Variants in PCMT1 observed in about 807,000 individuals in gnomAD.
The protein encoded by PCMT1 is protein-L-isoaspartate(D-aspartate) O-methyltransferase.
Under a neutral mutation model 29.2 loss-of-function variants are expected in PCMT1, and 9 were observed. That is an observed-to-expected ratio of 0.31 (90% CI 0.19 to 0.54). PCMT1 has a LOEUF of 0.54. PCMT1 is among the 20% of genes least tolerant of loss of function. PCMT1 has a pLI of 0.95. For synonymous variants in PCMT1, 98 were observed against 97.5 expected (o/e 1.00, Z -0.03); for missense variants, 184 against 282.2 (o/e 0.65, Z 2.49).
intron 1 of PCMT1, among the ~76,000 whole-genome samples, chr6:149,762,919 A>ATC (rs1786874881): frequency 1.7e-5 from 1 of 60,184 alleles, no homozygotes; most frequent in South Asian, 5.0e-4. Flanking sequence ...TATGATATAT[A>ATC]TATCTATGAT....
chr6:149,754,219 A>T lies in PCMT1; in HGVS notation c.55+4263A>T, dbSNP rs548163400. Among the ~76,000 whole-genome samples the T allele has an allele frequency of 3.6e-3, 554 of 152,316 alleles. 3 individuals are homozygous for T. The highest frequency in any genetic ancestry group is 6.2e-3 in the Non-Finnish European group (422 of 68,032). On this transcript the variant is annotated intron_variant, in intron 1 of 7. Transcript: ENST00000464889. The stretch of plus-strand genomic sequence containing the variant: ...CTGAAGAACCGAAATTCAATTTTTT[A>T]AAAAATTAACTTAATGAAATAACCA...
chr6:149,767,369 T>TTTTTATGGTGACTTGCACTTTC (rs1787132944), intron 1 of PCMT1, among the ~76,000 whole-genome samples: 1 of 151,994 alleles, frequency 6.6e-6, no homozygotes, highest in Non-Finnish European at 1.5e-5. Context: ...CGTTCACTCC[T>TTTTTATGGTGACTTGCACTTTC]TTTTATGGTG....
At chr6:149,775,704 CAAT>C (rs927419915) in intron 3 of PCMT1, among the ~76,000 whole-genome samples, 2 of 151,814 alleles carry the variant, frequency 1.3e-5, no homozygotes, top group Non-Finnish European at 2.9e-5. Flanking sequence ...ACCCTCATCT[CAAT>C]AATAATAATT....
intron 1 of PCMT1, among the ~76,000 whole-genome samples, chr6:149,767,259 T>TC (rs1272114590): frequency 2.7e-5 from 1 of 37,630 alleles, no homozygotes; most frequent in East Asian, 6.3e-3. Flanking sequence ...TAATTCACTC[T>TC]TTTTTTTTTT....
chr6:149,755,139 C>T (rs1010831003), intron 1 of PCMT1, among the ~76,000 whole-genome samples: 2 of 152,164 alleles, frequency 1.3e-5, no homozygotes, highest in African/African-American at 4.8e-5. Context: ...AGTGCGGTGG[C>T]TCACACCTGT....
chr6:149,774,924 G>A (rs1787497234), intron 3 of PCMT1, among the ~76,000 whole-genome samples: 1 of 151,782 alleles, frequency 6.6e-6, no homozygotes, highest in Non-Finnish European at 1.5e-5. Flanking sequence ...AGCCAGGATG[G>A]TCTCGATCTC....
chr6:149,768,869 C>T (rs1248422680), intron 1 of PCMT1, among the ~76,000 whole-genome samples: 2 of 152,216 alleles, frequency 1.3e-5, no homozygotes, highest in South Asian at 2.1e-4. Context: ...TCAAGTGATC[C>T]GCCTACCTCA....
intron 6 of PCMT1, 178 bp downstream of exon 6, chr6:149,796,678 A>G (rs1195845586): frequency 4.2e-6 from 2 of 475,198 alleles, no homozygotes; most frequent in Admixed American, 3.9e-5. Context: ...TATAAATGAC[A>G]TGAAAATTAC....
chr6:149,774,557 A>G (rs1476823050), intron 3 of PCMT1, among the ~76,000 whole-genome samples: 13 of 102,588 alleles, frequency 1.3e-4, no homozygotes, highest in Admixed American at 1.2e-4. Flanking sequence ...TTTTTTTTTG[A>G]GACGGAGTTT....
chr6:149,786,164 T>A (rs1169476275), intron 3 of PCMT1, among the ~76,000 whole-genome samples: 1 of 81,036 alleles, frequency 1.2e-5, no homozygotes, highest in Non-Finnish European at 2.0e-5. Context: ...GGCGGGGGGC[T>A]GACCCCCCAA....
intron 3 of PCMT1, among the ~76,000 whole-genome samples, chr6:149,774,892 A>T (rs1787495161): frequency 6.6e-6 from 1 of 151,682 alleles, no homozygotes; most frequent in Non-Finnish European, 1.5e-5. Flanking sequence ...ATTTTTTAGT[A>T]GAGACGGGGT....
chr6:149,753,523 G>T (rs1290133007), intron 1 of PCMT1, among the ~76,000 whole-genome samples: 1 of 151,948 alleles, frequency 6.6e-6, no homozygotes, highest in East Asian at 1.9e-4. Flanking sequence ...GTAGAGACAA[G>T]GTTTCTCCAT....
intron 2 of PCMT1, 82 bp from the exon 3 acceptor site, chr6:149,773,056 G>T: frequency 4.2e-6 from 4 of 945,878 alleles, no homozygotes; most frequent in Non-Finnish European, 5.0e-6. Context: ...GAAAAATAAC[G>T]TATGGATGGT....
At chr6:149,784,240 T>G (rs113079491) in intron 3 of PCMT1, among the ~76,000 whole-genome samples, 1 of 152,332 alleles carries the variant, frequency 6.6e-6, no homozygotes, top group Admixed American at 6.5e-5. Context: ...ATTCAAGGCC[T>G]TCTCTCCATA....
At chr6:149,795,246 A>G (rs1788552645) in intron 5 of PCMT1, 2 of 399,434 alleles carry the variant, frequency 5.0e-6, no homozygotes, top group South Asian at 2.3e-5. Context: ...GCCATGTTGC[A>G]TGAGAAAAAG....
intron 3 of PCMT1, among the ~76,000 whole-genome samples, 172 bp downstream of exon 3, chr6:149,773,341 T>G (rs1787416124): frequency 6.6e-6 from 1 of 152,080 alleles, no homozygotes; most frequent in Admixed American, 6.6e-5. Context: ...ATACAGGGTC[T>G]GTAGAAGGAG....
intron 3 of PCMT1, among the ~76,000 whole-genome samples, chr6:149,775,334 T>TA (rs1203697712): frequency 1.3e-5 from 2 of 152,264 alleles, no homozygotes; most frequent in South Asian, 2.1e-4. Context: ...CAGAAGCCAT[T>TA]AAAAAAACCT....
chr6:149,791,805 A>G (rs1448502207), intron 4 of PCMT1, among the ~76,000 whole-genome samples: 1 of 152,122 alleles, frequency 6.6e-6, no homozygotes, highest in Non-Finnish European at 1.5e-5. Flanking sequence ...TATACTTGAC[A>G]TGTTTATAGT....
At chr6:149,753,820 A>G (rs1339016702) in intron 1 of PCMT1, among the ~76,000 whole-genome samples, 1 of 152,096 alleles carries the variant, frequency 6.6e-6, no homozygotes, top group Non-Finnish European at 1.5e-5. Context: ...GTCATGGCTT[A>G]TATTATAACC....
Sources: gnomAD v4.1 joint callset for allele counts (sites outside exome capture counted in the v4.1 genomes callset) on GRCh38, gnomAD v4.1.1 for gene constraint, MANE v1.5 for transcripts, NCBI Gene and HGNC (gene_info 2026-07-23, HGNC 2026-07-21) for gene names.